The following NAPA variants were observed in gnomAD, a reference collection of about 807,000 sequenced individuals.
The protein encoded by NAPA is NSF attachment protein alpha.
Under a neutral mutation model 48.0 loss-of-function variants are expected in NAPA, and 18 were observed. The ratio of observed to expected loss-of-function variants is 0.38; its 90% CI spans 0.26 to 0.56. NAPA has a LOEUF of 0.56. NAPA is among the 20% of genes least tolerant of loss of function. NAPA has a pLI of 0.77. For missense variants in NAPA, 315 were observed against 385.0 expected (o/e 0.82, Z 1.52); for synonymous variants, 152 against 149.9 (o/e 1.01, Z -0.10).
intron 1 of NAPA, among the ~76,000 whole-genome samples, chr19:47,509,289 A>AAAAATAAAATAAAATAAAAT (rs542864086): frequency 7.7e-6 from 1 of 129,512 alleles, no homozygotes; most frequent in African/African-American, 3.1e-5. Flanking sequence ...TTGTGGTGGT[A>AAAAATAAAATAAAATAAAAT]AAAATAAAAT....
chr19:47,495,226 C>T (rs1369400060), intron 4 of NAPA: 2 of 386,796 alleles, frequency 5.2e-6, no homozygotes, highest in East Asian at 9.0e-5. Context: ...ACTCCTGTGC[C>T]CAAAAGATCC....
At chr19:47,500,416 TAG>T (rs1491559462) in intron 3 of NAPA, among the ~76,000 whole-genome samples, 1 of 151,824 alleles carries the variant, frequency 6.6e-6, no homozygotes, top group African/African-American at 2.4e-5. Flanking sequence ...ACACGGTAGA[TAG>T]GGGGGCGGAG....
At chr19:47,487,354 A>G (rs1391884454), downstream of NAPA, among the ~76,000 whole-genome samples, 2 of 152,106 alleles carry the variant, frequency 1.3e-5, no homozygotes, top group African/African-American at 4.8e-5. Context: ...GGGTGGCATC[A>G]CCACCGTGCA....
chr19:47,489,040 A>C (rs904385615), intron 10 of NAPA: 2 of 152,570 alleles, frequency 1.3e-5, no homozygotes, highest in Admixed American at 1.3e-4. Context: ...CCTGCTGGGC[A>C]TCCCCTCCCT....
At chr19:47,491,243 C>T (rs769838378) in intron 8 of NAPA, 8 of 202,370 alleles carry the variant, frequency 4.0e-5, no homozygotes, top group Non-Finnish European at 6.1e-5. Flanking sequence ...AGTGAGGAAA[C>T]AGATCCAGAG....
intron 9 of NAPA, among the ~76,000 whole-genome samples, chr19:47,490,475 GTGTGTGTGGTGTGGTGTGA>G: frequency 3.1e-4 from 1 of 3,258 alleles, no homozygotes; most frequent in Non-Finnish European, 1.1e-3. Flanking sequence ...TGTATGTTTG[GTGTGTGTGGTGTGGTGTGA>G]TGTGTGTGGT....
intron 1 of NAPA, among the ~76,000 whole-genome samples, chr19:47,507,165 T>G (rs1325205978): frequency 6.6e-6 from 1 of 151,510 alleles, no homozygotes; most frequent in East Asian, 1.9e-4. Flanking sequence ...TCTGAGCCAC[T>G]CCGGGAATAG....
intron 2 of NAPA, chr19:47,501,461 C>T (rs571596349): frequency 2.0e-5 from 3 of 152,362 alleles, no homozygotes; most frequent in African/African-American, 7.2e-5. Flanking sequence ...CTGCAGATCC[C>T]CATGGACAAG....
intron 3 of NAPA, chr19:47,497,242 C>T (rs952722895): frequency 5.3e-5 from 9 of 168,472 alleles, no homozygotes; most frequent in Non-Finnish European, 1.2e-4. Flanking sequence ...AGGACACCAA[C>T]CTGGCACCCT....
chr19:47,490,288 GTT>G (rs1476875172), intron 9 of NAPA, among the ~76,000 whole-genome samples: 2 of 147,358 alleles, frequency 1.4e-5, no homozygotes, highest in African/African-American at 2.5e-5. Context: ...TGTGCAATGT[GTT>G]TTGTGTGAGG....
At position 47,514,961 on chromosome 19, in the gene NAPA, G is replaced by A. The variant is rs762988442; in HGVS notation, c.-21C>T. On this transcript the variant is annotated 5_prime_UTR_variant, in exon 1 of 11. Transcript: ENST00000263354. ...TCCATGGCGGCCACAAAGGGACTCA[G>A]CAAAGCGCCTGACCCTGACCCTGGG... is the stretch of plus-strand genomic sequence containing the variant. 1.2e-5 allele frequency: 20 copies of A among 1,611,402 alleles called. No individual in the cohort carries two copies. The highest frequency in any genetic ancestry group is 1.7e-5 in the Non-Finnish European group (20 of 1,178,386).
In NAPA at chr19:47,506,747, G is replaced by C. The variant is rs1249375236; in HGVS notation, c.99-3245C>G. Reference sequence around the variant, plus strand: ...CTGCACGGGGTCAATGATTCTGTGGGGTGGAAAGGCCAGAGGGATTAACAC... The same window carrying C: ...CTGCACGGGGTCAATGATTCTGTGGCGTGGAAAGGCCAGAGGGATTAACAC... On this transcript the variant is annotated intron_variant, in intron 1 of 10. Transcript: ENST00000263354. The surrounding 1 kb of genome is among the most constrained non-coding windows in gnomAD (Gnocchi z 4.0). 6.6e-6 allele frequency: 1 copy of C among 152,410 alleles called. No individual in the cohort carries two copies. Among genetic ancestry groups the C allele is most frequent in the Non-Finnish European group, 1.5e-5 (1 of 68,094 alleles). The allele number at this position is 152,410 out of a possible 1,614,324, so 9.4% of individuals were successfully genotyped here.
At chr19:47,511,735 A>G (rs182949526) in intron 1 of NAPA, among the ~76,000 whole-genome samples, 75 of 152,250 alleles carry the variant, frequency 4.9e-4, no homozygotes, top group African/African-American at 1.7e-3. Context: ...AAGTTTCTCT[A>G]CCTCCACGGG....
At chr19:47,503,402 G>T in intron 2 of NAPA, 21 bp downstream of exon 2, 2 of 1,607,636 alleles carry the variant, frequency 1.2e-6, no homozygotes, top group Non-Finnish European at 1.7e-6. Flanking sequence ...CCTTGGAGGA[G>T]CTCTAGCGGA....
chr19:47,484,849 GCCA>G (rs1192024591), downstream of NAPA, among the ~76,000 whole-genome samples: 1 of 151,666 alleles, frequency 6.6e-6, no homozygotes, highest in Non-Finnish European at 1.5e-5. Context: ...GATTACAGGC[GCCA>G]CCACACCTGG....
chr19:47,500,394 C>T (rs1599907788), intron 3 of NAPA, among the ~76,000 whole-genome samples: 1 of 152,196 alleles, frequency 6.6e-6, no homozygotes, highest in African/African-American at 2.4e-5. Context: ...ATCAGCTGCA[C>T]CGACACCACC....
intron 3 of NAPA, chr19:47,497,068 G>C: frequency 3.7e-6 from 1 of 271,856 alleles, no homozygotes; most frequent in South Asian, 3.1e-5. Flanking sequence ...CATACATCCT[G>C]TAATCGGCGG....
intron 1 of NAPA, among the ~76,000 whole-genome samples, chr19:47,514,629 T>C (rs1019206042): frequency 1.3e-5 from 2 of 152,100 alleles, no homozygotes; most frequent in Non-Finnish European, 2.9e-5. Context: ...CCTTCCGCCA[T>C]GTCAGACCGT....
downstream of NAPA, among the ~76,000 whole-genome samples, chr19:47,487,249 G>C (rs910789280): frequency 6.6e-6 from 1 of 152,210 alleles, no homozygotes; most frequent in Non-Finnish European, 1.5e-5. Flanking sequence ...TCCTGCCAGA[G>C]AAATGTGGAC....
Sources: allele counts gnomAD v4.1 joint callset (sites outside exome capture counted in the v4.1 genomes callset), GRCh38; gene constraint gnomAD v4.1.1; non-coding constraint Gnocchi (gnomAD v3.1); transcripts MANE v1.5; gene names NCBI Gene and HGNC (gene_info 2026-07-23, HGNC 2026-07-21).